The following USP3 variants were observed in gnomAD, a reference collection of about 807,000 sequenced individuals.
USP3 encodes ubiquitin specific peptidase 3.
In USP3, 20 loss-of-function variants were observed where a neutral mutation model predicts 72.3. The ratio of observed to expected loss-of-function variants is 0.28; its 90% CI spans 0.19 to 0.40. The LOEUF is 0.40. Among genes scored for constraint, USP3 ranks in the 10% least tolerant of loss-of-function variants. The probability of loss-of-function intolerance (pLI) is 1.00; values close to 1 mark genes in which losing one functional copy is unlikely to be tolerated. For synonymous variants in USP3, 222 were observed against 225.3 expected (o/e 0.99, Z 0.13); for missense variants, 479 against 633.9 (o/e 0.76, Z 2.62).
rs574714227 is a variant in USP3 at position 63,588,211 on chromosome 15, A to T, written c.1097-94A>T. On this transcript the variant is annotated intron_variant, in intron 11 of 14. Transcript: ENST00000380324. This position sits in a 1 kb window ranked among gnomAD's most constrained non-coding sequence, Gnocchi z 4.6. ...ACTTTTCTAAGGTCGTATAGCTAAT[A>T]AAGCTGAGATTTTAAACCTGGGTCT... The T allele has an allele frequency of 4.2e-6, 4 of 959,724 alleles. No individual in the cohort carries two copies. The South Asian group carries it at 7.0e-5, about 17-fold the overall frequency. The allele number at this position is 959,724 out of a possible 1,614,324, so 59.5% of individuals were successfully genotyped here.
Position 63,590,914 on chromosome 15 carries a change from A to T in USP3, c.*88A>T. ...ACTTGATACAAGATTTAATTTCATTATGCACTTTTCAATTTCCTATTTTGG... is the reference window on the plus strand; with the variant it reads ...ACTTGATACAAGATTTAATTTCATTTTGCACTTTTCAATTTCCTATTTTGG... On this transcript the variant is annotated 3_prime_UTR_variant, in exon 15 of 15. Coordinates refer to ENST00000380324, the MANE Select transcript of USP3 (RefSeq NM_006537.4). 7.0e-7 allele frequency: 1 copy of T among 1,423,224 alleles called. No individual in the cohort carries two copies. Among genetic ancestry groups the T allele is most frequent in the Non-Finnish European group, 9.3e-7 (1 of 1,075,396 alleles). 88.2% of individuals were successfully genotyped at this position (1,423,224 alleles called of 1,614,324 possible). A position where few individuals can be genotyped will look rare whatever the true frequency, so the allele number is the denominator to read the frequency against.
rs1235116402 is a variant in USP3 at position 63,547,753 on chromosome 15, GGAGGGAGGGAGAGAGAGAGAGAGAGA to G, written c.285-5958_285-5933del. The stretch of plus-strand genomic sequence containing the variant: ...GAGAGAGAGAGAGAGAGGGAGGGAG[GGAGGGAGGGAGAGAGAGAGAGAGAGA>G]GAGAGAGAGAGAGAGAGAGAGGCAT... On this transcript the variant is annotated intron_variant, in intron 3 of 14. Coordinates refer to ENST00000380324, the MANE Select transcript of USP3 (RefSeq NM_006537.4). 1.5e-4 allele frequency among the ~76,000 whole-genome samples: 6 copies of G among 40,270 alleles called. 1 individual carries two copies. Among genetic ancestry groups the G allele is most frequent in the African/African-American group, 4.0e-4 (4 of 9,996 alleles). The allele number at this position is 40,270 out of a possible 152,430, so 26.4% of individuals were successfully genotyped here.
intron 5 of USP3, 63 bp from the exon 6 acceptor site, chr15:63,558,043 G>T (rs2066541606): frequency 2.5e-6 from 4 of 1,570,228 alleles, no homozygotes; most frequent in Non-Finnish European, 3.5e-6. Flanking sequence ...CCTTAGCTTT[G>T]ATGTTTGAAA....
At chr15:63,521,723 A>G (rs1345173213) in intron 1 of USP3, among the ~76,000 whole-genome samples, 2 of 152,088 alleles carry the variant, frequency 1.3e-5, no homozygotes, top group Non-Finnish European at 2.9e-5. Flanking sequence ...TCTCTCTTCC[A>G]TTTAATTTAA....
intron 14 of USP3, among the ~76,000 whole-genome samples, chr15:63,590,429 G>A (rs757354097): frequency 2.5e-4 from 38 of 152,248 alleles, no homozygotes; most frequent in Non-Finnish European, 4.6e-4. Context: ...GTTAGGTTGC[G>A]AGTTCCTCAT....
chr15:63,521,748 C>T (rs916402451), intron 1 of USP3, among the ~76,000 whole-genome samples: 5 of 152,138 alleles, frequency 3.3e-5, no homozygotes, highest in African/African-American at 1.2e-4. Context: ...CAAGAGGTTC[C>T]TTCATGTTGA....
intron 1 of USP3, among the ~76,000 whole-genome samples, chr15:63,508,966 G>A (rs2065748815): frequency 6.6e-6 from 1 of 152,132 alleles, no homozygotes; most frequent in Admixed American, 6.5e-5. Context: ...AAAAACTGCA[G>A]ATAATTCCAC....
At chr15:63,551,755 G>C (rs1049044359) in intron 3 of USP3, 2 of 152,112 alleles carry the variant, frequency 1.3e-5, no homozygotes, top group African/African-American at 4.8e-5. Context: ...TTAATTAAAA[G>C]TTTTAAAAAT....
intron 11 of USP3, chr15:63,586,710 A>G (rs2067071426): frequency 6.6e-6 from 1 of 152,206 alleles, no homozygotes; most frequent in Admixed American, 6.5e-5. Flanking sequence ...AAAATATAAT[A>G]CATCCTTTCC....
chr15:63,575,264 G>C (rs190731792), intron 11 of USP3, among the ~76,000 whole-genome samples: 1 of 147,966 alleles, frequency 6.8e-6, no homozygotes, highest in East Asian at 2.0e-4. Context: ...AAATTCTGTT[G>C]CTTAATCACA....
rs866105289 is a variant in USP3 at position 63,571,772 on chromosome 15, T to G, written c.908+1193T>G. ...TTAGTGCCTCATGAGTTTTCAGGAT[T>G]AATCTATCCCTTTTCATGACATTTT... On this transcript the variant is annotated intron_variant, in intron 9 of 14. Coordinates refer to ENST00000380324, the MANE Select transcript of USP3 (RefSeq NM_006537.4). Among the ~76,000 whole-genome samples the G allele has an allele frequency of 2.0e-5, 3 of 152,216 alleles. No individual in the cohort carries two copies. In the South Asian group the frequency reaches 6.2e-4, roughly 31 times the overall value.
rs143820770 is a variant in USP3 at position 63,589,764 on chromosome 15, A to C, written c.1397+753A>C. ...AGTGAATTTCCTGGATCTCCCTTCC[A>C]CATGTCTTAAATACTCTAATGATTT... On this transcript the variant is annotated intron_variant, in intron 14 of 14. Coordinates refer to ENST00000380324, the MANE Select transcript of USP3 (RefSeq NM_006537.4). Among the ~76,000 whole-genome samples the C allele has an allele frequency of 4.0e-3, 596 of 150,102 alleles. 5 individuals carry two copies. The highest frequency in any genetic ancestry group is 0.014 in the African/African-American group (545 of 39,520).
chr15:63,530,283 C>CCCTCCCTTCCT lies in USP3; in HGVS notation c.92-2364_92-2363insCCTCCCTTCCT, dbSNP rs1567097744. Among the ~76,000 whole-genome samples the CCCTCCCTTCCT allele has an allele frequency of 3.0e-3, 345 of 113,284 alleles. 2 individuals carry two copies. The highest frequency in any genetic ancestry group is 0.012 in the African/African-American group (329 of 28,152). The allele number at this position is 113,284 out of a possible 152,430, so 74.3% of individuals were successfully genotyped here. A position where few individuals can be genotyped will look rare whatever the true frequency, so the allele number is the denominator to read the frequency against. On this transcript the variant is annotated intron_variant, in intron 1 of 14. Transcript: ENST00000380324. ...CCTCCCTCCCTGCCTCCCTCCCTCC[C>CCCTCCCTTCCT]TCCTTCCCTCCCTTCCTTCCTTCCT...
intron 2 of USP3, among the ~76,000 whole-genome samples, chr15:63,534,231 T>C (rs74018961): frequency 0.015 from 2,354 of 152,292 alleles, 63 homozygotes; most frequent in African/African-American, 0.054. Flanking sequence ...ATCTCCATTT[T>C]ACATAGCTGA....
intron 5 of USP3, 171 bp downstream of exon 5, chr15:63,556,919 CCCAGTGAGT>C (rs1417041108): frequency 1.9e-6 from 1 of 539,090 alleles, no homozygotes; most frequent in Non-Finnish European, 3.4e-6. Context: ...TTGCCGTGAC[CCCAGTGAGT>C]CCATCTGTCA....
At chr15:63,575,567 G>A (rs1417996545) in intron 11 of USP3, among the ~76,000 whole-genome samples, 4 of 152,144 alleles carry the variant, frequency 2.6e-5, no homozygotes, top group Admixed American at 2.0e-4. Flanking sequence ...CTCTGTATAT[G>A]AAACATTTTG....
chr15:63,589,748 C>T (rs2067150034), intron 14 of USP3, among the ~76,000 whole-genome samples: 1 of 151,204 alleles, frequency 6.6e-6, no homozygotes, highest in Admixed American at 6.6e-5. Flanking sequence ...TAGTGAATTT[C>T]CTGGATCTCC....
rs537705092 is a variant in USP3 at position 63,532,673 on chromosome 15, G to A, written c.118G>A (p.Val40Ile). ...GTGCCGGTCCAACAAAAGCCCTTGG[G>A]TCTGTTTGACTTGTTCAAGTGTCCA... Reference protein sequence around the residue: ...SVCRSNKSPWVCLTCSSVHCG... With the variant: ...SVCRSNKSPWICLTCSSVHCG... The change falls in exon 2 of 15, where the codon GTC (valine) becomes ATC (isoleucine). Residue 40 changes from valine to isoleucine, a missense_variant. By Grantham distance (29) the Val-to-Ile change is conservative. Coordinates refer to ENST00000380324, the MANE Select transcript of USP3 (RefSeq NM_006537.4). The A allele has an allele frequency of 6.2e-7, 1 of 1,613,970 alleles. No individual in the cohort carries two copies. Among genetic ancestry groups the A allele is most frequent in the African/African-American group, 1.3e-5 (1 of 75,002 alleles).
In USP3 at chr15:63,563,006, T is replaced by C. The variant is rs1283326261; in HGVS notation, c.759T>C (p.Phe253=). 1.9e-6 allele frequency: 3 copies of C among 1,598,598 alleles called. No individual in the cohort carries two copies. Among genetic ancestry groups the C allele is most frequent in the East Asian group, 2.2e-5 (1 of 44,756 alleles). Residue 253 remains phenylalanine (F), a splice_region_variant and synonymous_variant, in exon 8 of 15, where the codon TTT becomes TTC. Transcript: ENST00000380324. ...FYVVWKIMPN[F]RGYQQQDAHE... is the part of the protein sequence containing the mutation. ...TTGTTTGGAAGATTATGCCAAACTT[T>C]AGGTAAGTATTATATGAAGATATTT... is the stretch of plus-strand genomic sequence containing the variant.
Sources: gnomAD v4.1 joint callset for allele counts (sites outside exome capture counted in the v4.1 genomes callset) on GRCh38, gnomAD v4.1.1 for gene constraint, Gnocchi (gnomAD v3.1) non-coding constraint, MANE v1.5 for transcripts, NCBI Gene and HGNC (gene_info 2026-07-23, HGNC 2026-07-21) for gene names.